Variants in ZFAT observed in about 807,000 individuals in gnomAD.
ZFAT encodes the protein zinc finger protein ZFAT.
In ZFAT, 64 loss-of-function variants were observed where a neutral mutation model predicts 117.7. The ratio of observed to expected loss-of-function variants is 0.54; its 90% confidence interval spans 0.44 to 0.67. The LOEUF is 0.67. Among genes scored for constraint, ZFAT ranks in the 30% least tolerant of loss-of-function variants. The pLI is 0.00. For missense variants in ZFAT, 1,433 were observed against 1,584.5 expected (o/e 0.90, Z 1.62); for synonymous variants, 679 against 615.0 (o/e 1.10, Z -1.54).
intron 11 of ZFAT, among the ~76,000 whole-genome samples, chr8:134,546,022 G>T (rs1434258123): frequency 2.6e-5 from 4 of 152,186 alleles, no homozygotes; most frequent in African/African-American, 9.7e-5. Context: ...TGCCTAGAAT[G>T]ATACATAGCA....
chr8:134,499,261 G>T (rs2130246472), intron 15 of ZFAT, among the ~76,000 whole-genome samples: 1 of 129,140 alleles, frequency 7.7e-6, no homozygotes, highest in African/African-American at 3.0e-5. Context: ...TGATTTGGTA[G>T]GGTCGGGGTG....
the ZFAT span, among the ~76,000 whole-genome samples, chr8:134,822,185 G>C: frequency 6.6e-6 from 1 of 152,122 alleles, no homozygotes; most frequent in South Asian, 2.1e-4. Context: ...AATATTAAGA[G>C]TTAGTGTTCA....
intron 5 of ZFAT, among the ~76,000 whole-genome samples, chr8:134,605,887 T>C (rs1356926353): frequency 6.6e-6 from 1 of 152,148 alleles, no homozygotes; most frequent in East Asian, 1.9e-4. Context: ...GCCTACGTAC[T>C]AAATATAAAA....
chr8:134,571,487 G>A (rs548960248), intron 10 of ZFAT, among the ~76,000 whole-genome samples: 1 of 152,348 alleles, frequency 6.6e-6, no homozygotes, highest in South Asian at 2.1e-4. Context: ...CAACCAATAT[G>A]AGTTTCTGTC....
chr8:134,714,036 A>T (rs1814148283), upstream of ZFAT, among the ~76,000 whole-genome samples: 1 of 24,664 alleles, frequency 4.1e-5, no homozygotes, highest in South Asian at 1.3e-3. Context: ...AGTCATATAA[A>T]GTTTTTAAAT....
intron 15 of ZFAT, among the ~76,000 whole-genome samples, chr8:134,494,334 C>A (rs959639896): frequency 1.3e-5 from 2 of 151,912 alleles, no homozygotes; most frequent in Non-Finnish European, 2.9e-5. Context: ...CAGGCCCCGG[C>A]CTTTCTCTTT....
chr8:134,550,132 T>C (rs1422838641), intron 11 of ZFAT, among the ~76,000 whole-genome samples: 1 of 152,128 alleles, frequency 6.6e-6, no homozygotes, highest in Non-Finnish European at 1.5e-5. Context: ...TAGGTCACAC[T>C]CTGGTCTATA....
chr8:134,761,185 T>C, the ZFAT span, among the ~76,000 whole-genome samples: 2 of 152,042 alleles, frequency 1.3e-5, no homozygotes, highest in Non-Finnish European at 2.9e-5. Flanking sequence ...TCCACAAATA[T>C]CTATTGAGCC....
chr8:134,607,899 G>C (rs1828014874), intron 5 of ZFAT, among the ~76,000 whole-genome samples: 1 of 152,180 alleles, frequency 6.6e-6, no homozygotes, highest in South Asian at 2.1e-4. Context: ...TGTATCTGGA[G>C]GACAGTTTTT....
At chr8:134,607,160 C>A (rs1365382167) in intron 5 of ZFAT, among the ~76,000 whole-genome samples, 1 of 152,276 alleles carries the variant, frequency 6.6e-6, no homozygotes, top group South Asian at 2.1e-4. Flanking sequence ...ACCTCCCCGC[C>A]AACAGACCTT....
At chr8:134,830,727 T>A in the ZFAT span, among the ~76,000 whole-genome samples, 1 of 152,230 alleles carries the variant, frequency 6.6e-6, no homozygotes, top group Non-Finnish European at 1.5e-5. Flanking sequence ...CTTGGGATAA[T>A]GTTTATGCTA....
At chr8:134,769,342 C>G in the ZFAT span, among the ~76,000 whole-genome samples, 1 of 152,124 alleles carries the variant, frequency 6.6e-6, no homozygotes. Context: ...GGAAATTGGC[C>G]AAAACAGAAG....
chr8:134,706,631 G>A (rs1166721366), intron 1 of ZFAT, among the ~76,000 whole-genome samples: 1 of 152,174 alleles, frequency 6.6e-6, no homozygotes, highest in Non-Finnish European at 1.5e-5. Flanking sequence ...GGAGGAGGTT[G>A]CAGTGAGCCG....
intron 1 of ZFAT, among the ~76,000 whole-genome samples, chr8:134,658,213 T>C (rs1831733930): frequency 6.6e-6 from 1 of 151,960 alleles, no homozygotes; most frequent in Non-Finnish European, 1.5e-5. Context: ...AGCGTGCACC[T>C]GTAGGCCCAG....
chr8:134,543,472 T>G (rs1012766341), intron 11 of ZFAT, among the ~76,000 whole-genome samples: 1 of 152,276 alleles, frequency 6.6e-6, no homozygotes. Flanking sequence ...ACTCCCCACC[T>G]GCTCTCTCTA....
At chr8:134,526,043 TTTG>T (rs58483395) in intron 12 of ZFAT, among the ~76,000 whole-genome samples, 1,898 of 152,174 alleles carry the variant, frequency 0.012, 33 homozygotes, top group African/African-American at 0.043. Flanking sequence ...ACCTCCACTT[TTTG>T]TTGTTGTTGT....
At chr8:134,665,047 T>C (rs1377361923) in intron 1 of ZFAT, among the ~76,000 whole-genome samples, 2 of 152,208 alleles carry the variant, frequency 1.3e-5, no homozygotes, top group Non-Finnish European at 2.9e-5. Context: ...TTGTAAACAT[T>C]CCCAGCCAAG....
the ZFAT span, among the ~76,000 whole-genome samples, chr8:134,828,489 A>G: frequency 6.6e-6 from 1 of 152,218 alleles, no homozygotes; most frequent in Non-Finnish European, 1.5e-5. Flanking sequence ...TCTAAGAATA[A>G]AATTTCTCGA....
the ZFAT span, among the ~76,000 whole-genome samples, chr8:134,829,134 T>C: frequency 4.6e-5 from 7 of 152,178 alleles, no homozygotes; most frequent in African/African-American, 1.7e-4. Flanking sequence ...TACTCAATGG[T>C]GAAAAGCATT....
Sources: allele counts gnomAD v4.1 joint callset (sites outside exome capture counted in the v4.1 genomes callset), GRCh38; gene constraint gnomAD v4.1.1; transcripts MANE v1.5; gene names NCBI Gene and HGNC (gene_info 2026-07-23, HGNC 2026-07-21).